Variants in ZBBX observed in about 807,000 individuals in gnomAD.
The protein encoded by ZBBX is zinc finger B-box domain containing.
A neutral mutation model predicts 108.5 loss-of-function variants in ZBBX; 101 were observed. The ratio of observed to expected loss-of-function variants is 0.93; its 90% confidence interval spans 0.79 to 1.10. The LOEUF (loss-of-function observed/expected upper bound fraction) is 1.10, where lower values mean the gene tolerates loss of function less well. Among genes scored for constraint, ZBBX ranks in the 50% least tolerant of loss-of-function variants. ZBBX has a pLI of 0.00. For synonymous variants in ZBBX, 356 were observed against 323.4 expected, an observed-to-expected ratio of 1.10 and a Z score of -1.08; for missense variants, 1,009 against 941.4, an observed-to-expected ratio of 1.07 and a Z score of -0.94.
chr3:167,297,818 T>A (rs1392208205), intron 18 of ZBBX, among the ~76,000 whole-genome samples: 1 of 151,856 alleles, frequency 6.6e-6, no homozygotes, highest in Non-Finnish European at 1.5e-5. Flanking sequence ...AAAATGCAAA[T>A]CTAAGCTACA....
Position 167,333,930 on chromosome 3 carries a change from T to C in ZBBX, c.584A>G (p.Asp195Gly). The change falls in exon 10 of 22, where the codon GAT (aspartate) becomes GGT (glycine). Residue 195 changes from aspartate to glycine, a missense_variant. Coordinates refer to ENST00000675490, the MANE Select transcript of ZBBX (RefSeq NM_001199201.2). Reference protein sequence around the residue: ...VLDVAHQFIKDVNPDEPKEEN... With the variant: ...VLDVAHQFIKGVNPDEPKEEN... ...CTCTTTGGGTTCATCTGGATTAACA[T>C]CCTTTATAAACTGATGGGCAACATC... 3 of 1,611,090 alleles carry C rather than the reference T, an allele frequency of 1.9e-6. No homozygotes were observed. Among genetic ancestry groups the C allele is most frequent in the Non-Finnish European group, 2.5e-6 (3 of 1,178,406 alleles).
intron 17 of ZBBX, among the ~76,000 whole-genome samples, chr3:167,301,851 G>A (rs1234241444): frequency 6.6e-6 from 1 of 151,462 alleles, no homozygotes; most frequent in Non-Finnish European, 1.5e-5. Context: ...CAGCTACACG[G>A]GAGGCTGAGG....
At chr3:167,261,379 G>A (rs1724486281) in intron 20 of ZBBX, among the ~76,000 whole-genome samples, 1 of 151,606 alleles carries the variant, frequency 6.6e-6, no homozygotes, top group South Asian at 2.1e-4. Context: ...CGGTGGTCGG[G>A]GCCCTAGAAC....
chr3:167,328,483 A>C (rs1737809426), intron 10 of ZBBX, among the ~76,000 whole-genome samples: 1 of 151,498 alleles, frequency 6.6e-6, no homozygotes, highest in African/African-American at 2.4e-5. Context: ...ATATCAAAAA[A>C]ACAGGGTTTT....
chr3:167,383,537 G>T (rs1326843908), upstream of ZBBX, among the ~76,000 whole-genome samples: 1 of 152,016 alleles, frequency 6.6e-6, no homozygotes, highest in Non-Finnish European at 1.5e-5. Flanking sequence ...GGTGACATTG[G>T]CCTTTTATAA....
At chr3:167,225,963 G>A in the ZBBX span, among the ~76,000 whole-genome samples, 26 of 151,446 alleles carry the variant, frequency 1.7e-4, no homozygotes, top group South Asian at 1.5e-3. Context: ...GGTGGATATA[G>A]ATCCCTCATG....
chr3:167,208,442 G>A, the ZBBX span, among the ~76,000 whole-genome samples: 1 of 152,196 alleles, frequency 6.6e-6, no homozygotes, highest in African/African-American at 2.4e-5. Context: ...GGAGAGTACA[G>A]AGGGCTTTGT....
rs1728910539 is a variant in ZBBX, at chr3:167,282,117, AAAG to A, written c.2254+118_2254+120del. The A allele has an allele frequency of 3.7e-6, 4 of 1,085,930 alleles. No homozygotes were observed. The South Asian group carries it at 7.2e-5, about 20-fold the overall frequency. 67.3% of individuals were successfully genotyped at this position (1,085,930 alleles called of 1,614,324 possible). ...AAAACAGACACAACGGTTGATGGTT[AAAG>A]AAGAAAAAGGAAAGCTTTCTTGTTT... On this transcript the variant is annotated intron_variant, in intron 20 of 21. Coordinates refer to ENST00000675490, the MANE Select transcript of ZBBX (RefSeq NM_001199201.2).
At chr3:167,400,154 T>C (rs576544270) in intron 1 of ZBBX, among the ~76,000 whole-genome samples, 28 of 152,298 alleles carry the variant, frequency 1.8e-4, no homozygotes, top group African/African-American at 6.5e-4. Flanking sequence ...TGAATAATGC[T>C]GCAGTGAACA....
At chr3:167,241,694 A>T (rs1720710901) in intron 21 of ZBBX, among the ~76,000 whole-genome samples, 1 of 152,190 alleles carries the variant, frequency 6.6e-6, no homozygotes. Flanking sequence ...TACCTAGGCA[A>T]CATGTTGATA....
chr3:167,242,585 T>A lies in ZBBX; in HGVS notation c.2313A>T (p.Gln771His), dbSNP rs767602444. The change falls in exon 21 of 22, where the codon CAA (glutamine) becomes CAT (histidine). Residue 771 changes from glutamine to histidine, a missense_variant. By Grantham distance (24) the Gln-to-His change is conservative (BLOSUM62 0). Coordinates refer to ENST00000675490, the MANE Select transcript of ZBBX (RefSeq NM_001199201.2). Reference sequence around the variant, plus strand: ...TGGAAATCTGACTTATATTCAGTGATTGGCTGCTGAAATCTGGGAACTCTT... The same window carrying A: ...TGGAAATCTGACTTATATTCAGTGAATGGCTGCTGAAATCTGGGAACTCTT... ...TSEEFPDFSS[Q>H]SLNISQISTD... is the part of the protein sequence containing the mutation. 1 of 1,613,812 alleles carries A rather than the reference T, an allele frequency of 6.2e-7. No individual in the cohort carries two copies. Among genetic ancestry groups the A allele is most frequent in the Non-Finnish European group, 8.5e-7 (1 of 1,179,860 alleles).
intron 12 of ZBBX, among the ~76,000 whole-genome samples, chr3:167,319,691 T>C (rs1736094169): frequency 6.6e-6 from 1 of 152,002 alleles, no homozygotes; most frequent in Non-Finnish European, 1.5e-5. Flanking sequence ...TTTGTTTCTT[T>C]CAGTGATATT....
chr3:167,214,343 A>C, the ZBBX span, among the ~76,000 whole-genome samples: 1 of 152,158 alleles, frequency 6.6e-6, no homozygotes, highest in Admixed American at 6.6e-5. Context: ...AGGGGTTGCT[A>C]TCCTAATTTC....
At chr3:167,238,951 T>C (rs1031480282), downstream of ZBBX, among the ~76,000 whole-genome samples, 2 of 152,146 alleles carry the variant, frequency 1.3e-5, no homozygotes, top group African/African-American at 4.8e-5. Flanking sequence ...AAATAAGATA[T>C]GTGTGTCTAT....
At chr3:167,377,625 AG>A (rs1747168283) in intron 2 of ZBBX, among the ~76,000 whole-genome samples, 1 of 152,008 alleles carries the variant, frequency 6.6e-6, no homozygotes, top group Non-Finnish European at 1.5e-5. Context: ...AATAATTAAA[AG>A]AATTTTACTT....
chr3:167,279,024 GA>G (rs1375457370), intron 20 of ZBBX, among the ~76,000 whole-genome samples: 6 of 151,994 alleles, frequency 3.9e-5, no homozygotes, highest in Non-Finnish European at 8.8e-5. Context: ...AATAGATGCA[GA>G]AAAAGCCTTT....
chr3:167,361,808 C>A (rs1577090432), intron 6 of ZBBX, among the ~76,000 whole-genome samples: 1 of 152,026 alleles, frequency 6.6e-6, no homozygotes, highest in African/African-American at 2.4e-5. Flanking sequence ...AGTATGACTA[C>A]CTTAATGATA....
chr3:167,401,582 C>T (rs1349443018), intron 1 of ZBBX: 1 of 152,172 alleles, frequency 6.6e-6, no homozygotes, highest in Non-Finnish European at 1.5e-5. Flanking sequence ...TATAGGGTAA[C>T]TTCCTGATGT....
intron 8 of ZBBX, 82 bp from the exon 9 acceptor site, chr3:167,350,597 T>G (rs551634398): frequency 1.7e-5 from 16 of 968,902 alleles, no homozygotes; most frequent in South Asian, 4.5e-5. Context: ...AGATGTCTTG[T>G]TTTTTAATAT....
Sources: allele counts gnomAD v4.1 joint callset (sites outside exome capture counted in the v4.1 genomes callset), GRCh38; gene constraint gnomAD v4.1.1; transcripts MANE v1.5; gene names NCBI Gene and HGNC (gene_info 2026-07-23, HGNC 2026-07-21).